FAM169A: variants seen among roughly 807,000 people sequenced by gnomAD.
FAM169A encodes soluble lamin-associated protein of 75 kDa.
A neutral mutation model predicts 75.7 loss-of-function variants in FAM169A; 24 were observed. That is an observed-to-expected ratio of 0.32 (90% CI 0.23 to 0.45). The LOEUF (loss-of-function observed/expected upper bound fraction) is 0.45. FAM169A is among the 20% of genes least tolerant of loss of function. The pLI, the probability that FAM169A is intolerant of heterozygous loss-of-function variation, is 1.00. For synonymous variants in FAM169A, 271 were observed against 271.0 expected (o/e 1.00, Z 0.00); for missense variants, 673 against 784.0 (o/e 0.86, Z 1.69).
At chr5:74,843,070 C>T (rs537187229) in intron 1 of FAM169A, among the ~76,000 whole-genome samples, 8 of 150,556 alleles carry the variant, frequency 5.3e-5, no homozygotes, top group East Asian at 3.9e-4. Context: ...ATAAGGGGGG[C>T]GGGGGCAGCA....
intron 5 of FAM169A, among the ~76,000 whole-genome samples, chr5:74,832,818 A>G (rs1035282501): frequency 1.3e-5 from 2 of 152,040 alleles, no homozygotes; most frequent in African/African-American, 4.8e-5. Context: ...TTCAAAGGCT[A>G]GTATAAGCCC....
intron 5 of FAM169A, among the ~76,000 whole-genome samples, chr5:74,825,749 T>C (rs550050986): frequency 6.6e-6 from 1 of 152,202 alleles, no homozygotes; most frequent in African/African-American, 2.4e-5. Context: ...CTAGTATTCA[T>C]GTTGCTGTTG....
intron 1 of FAM169A, among the ~76,000 whole-genome samples, chr5:74,862,606 C>A (rs1161715032): frequency 1.3e-5 from 2 of 152,160 alleles, no homozygotes; most frequent in African/African-American, 4.8e-5. Flanking sequence ...ATGTTTGTCT[C>A]ATCTTTAAGA....
chr5:74,783,291 G>A (rs918284378), intron 11 of FAM169A, among the ~76,000 whole-genome samples, 157 bp from the exon 12 acceptor site: 1 of 152,180 alleles, frequency 6.6e-6, no homozygotes, highest in African/African-American at 2.4e-5. Context: ...ACTGGGGGAA[G>A]GAGGAAACTC....
chr5:74,859,795 A>G (rs1024969914), intron 1 of FAM169A, among the ~76,000 whole-genome samples: 2 of 152,120 alleles, frequency 1.3e-5, no homozygotes, highest in Non-Finnish European at 2.9e-5. Flanking sequence ...AGGTAGAAGG[A>G]CTGCTTGAGG....
rs377572506 is a variant in FAM169A, at chr5:74,783,148, A to G, written c.1261-14T>C. On this transcript the variant is annotated splice_polypyrimidine_tract_variant and intron_variant, in intron 11 of 12. Transcript: ENST00000687041. ...TAATTCAGATTCCTACACCATGAGG[A>G]GAGAGGGAAAAAGTAAGGACATGAT... 4 of 1,584,328 alleles carry G rather than the reference A, an allele frequency of 2.5e-6. No individual in the cohort carries two copies. The highest frequency in any genetic ancestry group is 3.4e-6 in the Non-Finnish European group (4 of 1,159,600).
chr5:74,857,202 C>A (rs1171096056), intron 1 of FAM169A, among the ~76,000 whole-genome samples: 21 of 151,456 alleles, frequency 1.4e-4, no homozygotes, highest in Admixed American at 1.4e-3. Flanking sequence ...CCATGGTACA[C>A]CAGATAAGGA....
At position 74,804,485 on chromosome 5, in the gene FAM169A, G is replaced by A. The variant is rs762398763; in HGVS notation, c.912+8C>T. On this transcript the variant is annotated splice_region_variant and intron_variant, in intron 8 of 12. Transcript: ENST00000687041. ...ATACAACAATAAACATATAGACAGT[G>A]TACCTACAGTTAGCTGCATCTCACT... 3 of 1,472,892 alleles carry A rather than the reference G, an allele frequency of 2.0e-6. No individual in the cohort carries two copies. Among genetic ancestry groups the A allele is most frequent in the African/African-American group, 1.4e-5 (1 of 71,446 alleles). The allele number at this position is 1,472,892 out of a possible 1,614,324, so 91.2% of individuals were successfully genotyped here.
intron 1 of FAM169A, among the ~76,000 whole-genome samples, chr5:74,856,612 T>C (rs16872349): frequency 0.15 from 22,159 of 151,880 alleles, 1,838 homozygotes; most frequent in African/African-American, 0.23. Context: ...CTATAGTTTT[T>C]TAATCATCCA....
At position 74,804,572 on chromosome 5, in the gene FAM169A, G is replaced by A. The variant is rs1746764242; in HGVS notation, c.833C>T (p.Ser278Phe). 6.2e-7 allele frequency: 1 copy of A among 1,610,934 alleles called. No individual in the cohort carries two copies. Among genetic ancestry groups the A allele is most frequent in the African/African-American group, 1.3e-5 (1 of 74,840 alleles). The change falls in exon 8 of 13, where the codon TCT (serine) becomes TTT (phenylalanine). Residue 278 changes from serine (S) to phenylalanine (F), a missense_variant. Transcript: ENST00000687041. ...AACAGATGCAGGACCATATTCTCCA[G>A]ACATAGGTCTTTTAGGTTCATTTTG... ...LSQNEPKRPM[S>F]GEYGPASVPE...
At chr5:74,806,109 TA>T (rs1746869818) in intron 6 of FAM169A, among the ~76,000 whole-genome samples, 4 of 151,790 alleles carry the variant, frequency 2.6e-5, no homozygotes, top group Non-Finnish European at 5.9e-5. Flanking sequence ...TTAAAAACCA[TA>T]GTAATTGAAA....
At chr5:74,814,323 G>T (rs887871003) in intron 5 of FAM169A, among the ~76,000 whole-genome samples, 7 of 151,890 alleles carry the variant, frequency 4.6e-5, no homozygotes, top group Non-Finnish European at 8.8e-5. Context: ...TACCATCACT[G>T]TCTATAGACT....
Position 74,840,184 on chromosome 5 carries a change from A to C in FAM169A, c.133-11T>G. ...CAGGCTAATAGGAATCTGAAATGAC[A>C]AATTAATAAAGATTAGTGAACAGTC... On this transcript the variant is annotated splice_polypyrimidine_tract_variant and intron_variant, in intron 2 of 12. Coordinates refer to ENST00000687041, the MANE Select transcript of FAM169A (RefSeq NM_001376049.1). 1 of 1,347,810 alleles carries C rather than the reference A, an allele frequency of 7.4e-7. No individual in the cohort carries two copies. The highest frequency in any genetic ancestry group is 1.0e-6 in the Non-Finnish European group (1 of 969,268). The allele number at this position is 1,347,810 out of a possible 1,614,324, so 83.5% of individuals were successfully genotyped here.
chr5:74,823,134 T>G (rs1165759300), intron 5 of FAM169A, among the ~76,000 whole-genome samples: 1 of 152,220 alleles, frequency 6.6e-6, no homozygotes, highest in Non-Finnish European at 1.5e-5. Flanking sequence ...CTACATAAAA[T>G]TATTTGATAG....
intron 1 of FAM169A, among the ~76,000 whole-genome samples, chr5:74,863,486 AAAC>A (rs1750146326): frequency 6.6e-6 from 1 of 152,238 alleles, no homozygotes; most frequent in African/African-American, 2.4e-5. Context: ...CTTCCTACCC[AAAC>A]AACAATCCTT....
At chr5:74,856,013 T>C (rs1030922461) in intron 1 of FAM169A, among the ~76,000 whole-genome samples, 22 of 152,260 alleles carry the variant, frequency 1.4e-4, no homozygotes, top group Non-Finnish European at 3.2e-4. Context: ...TATCCAGTAT[T>C]CCCAGCACCA....
chr5:74,814,149 TTATAA>T (rs150991288), intron 5 of FAM169A, 130 bp from the exon 6 acceptor site: 329 of 569,582 alleles, frequency 5.8e-4, no homozygotes, highest in Middle Eastern at 2.9e-3. Flanking sequence ...TATATAAATG[TTATAA>T]TATAAAGTGT....
intron 1 of FAM169A, among the ~76,000 whole-genome samples, chr5:74,857,572 GAAAAAAAAAAA>G (rs35476827): frequency 1.1e-3 from 63 of 56,308 alleles, no homozygotes; most frequent in Admixed American, 5.1e-3. Context: ...CTTGCCGCGG[GAAAAAAAAAAA>G]AAAAAAAAAA....
chr5:74,826,575 T>G (rs1400115693), intron 5 of FAM169A, among the ~76,000 whole-genome samples: 1 of 152,198 alleles, frequency 6.6e-6, no homozygotes, highest in African/African-American at 2.4e-5. Context: ...ATCTAAAAAT[T>G]TTCATCTAAG....
Sources: gnomAD v4.1 joint callset for allele counts (sites outside exome capture counted in the v4.1 genomes callset) on GRCh38, gnomAD v4.1.1 for gene constraint, MANE v1.5 for transcripts, NCBI Gene and HGNC (gene_info 2026-07-23, HGNC 2026-07-21) for gene names.